LRP2: variants seen among roughly 807,000 people sequenced by gnomAD.
The protein encoded by LRP2 is low-density lipoprotein receptor-related protein 2.
LRP2 carries 172 observed loss-of-function variants against 531.0 expected under a neutral mutation model. That is an observed-to-expected ratio of 0.32 (90% CI 0.29 to 0.37). The LOEUF (loss-of-function observed/expected upper bound fraction) is 0.37, where lower values mean the gene tolerates loss of function less well. LRP2 is among the 10% of genes least tolerant of loss of function. The probability of loss-of-function intolerance (pLI) is 1.00; values close to 1 mark genes in which losing one functional copy is unlikely to be tolerated. For synonymous variants in LRP2, 1,992 were observed against 2,027.6 expected, an observed-to-expected ratio of 0.98 and a Z score of 0.47; for missense variants, 5,167 against 5,868.3, an observed-to-expected ratio of 0.88 and a Z score of 3.90.
intron 46 of LRP2, 31 bp from the exon 47 acceptor site, chr2:169,193,923 A>C: frequency 1.9e-6 from 3 of 1,613,988 alleles, no homozygotes; most frequent in Non-Finnish European, 2.5e-6. Flanking sequence ...CTCAGTGAAA[A>C]AAAGTGGTTT....
chr2:169,255,794 C>T (rs1461507171), intron 19 of LRP2, among the ~76,000 whole-genome samples: 1 of 152,088 alleles, frequency 6.6e-6, no homozygotes, highest in Admixed American at 6.6e-5. Flanking sequence ...TTTACTGTTT[C>T]CTCACGTGAT....
intron 15 of LRP2, 122 bp from the exon 16 acceptor site, chr2:169,271,229 G>T: frequency 1.5e-6 from 1 of 661,390 alleles, no homozygotes; most frequent in Non-Finnish European, 2.6e-6. Context: ...TGAAATAAAT[G>T]TAAAAATAAA....
At chr2:169,280,583 C>T in intron 10 of LRP2, 64 bp from the exon 11 acceptor site, 1 of 1,486,160 alleles carries the variant, frequency 6.7e-7, no homozygotes, top group African/African-American at 1.4e-5. Flanking sequence ...AAGTAGCTTA[C>T]AAATGATATG....
At chr2:169,217,064 C>G (rs2105348619) in intron 34 of LRP2, among the ~76,000 whole-genome samples, 1 of 152,170 alleles carries the variant, frequency 6.6e-6, no homozygotes, top group African/African-American at 2.4e-5. Context: ...ACACATGAAC[C>G]ATAATTACCA....
chr2:169,352,052 A>G (rs1685865530), intron 1 of LRP2, among the ~76,000 whole-genome samples: 1 of 152,194 alleles, frequency 6.6e-6, no homozygotes, highest in Non-Finnish European at 1.5e-5. Flanking sequence ...GAAGTTTTTC[A>G]ATACTTCCAT....
chr2:169,181,748 CTGCAT>C, intron 51 of LRP2, 130 bp from the exon 52 acceptor site: 1 of 66,306 alleles, frequency 1.5e-5, no homozygotes, highest in South Asian at 5.4e-4. Flanking sequence ...GAATTCTTTT[CTGCAT>C]TCAGAAAAGA....
At chr2:169,209,849 AG>A (rs1320649606) in intron 37 of LRP2, among the ~76,000 whole-genome samples, 1 of 152,128 alleles carries the variant, frequency 6.6e-6, no homozygotes, top group Non-Finnish European at 1.5e-5. Flanking sequence ...GGCTCCCGGG[AG>A]AAATGTTGAT....
intron 3 of LRP2, among the ~76,000 whole-genome samples, chr2:169,316,792 G>T (rs1331146243): frequency 6.6e-6 from 1 of 152,128 alleles, no homozygotes; most frequent in Admixed American, 6.6e-5. Flanking sequence ...GCTGCTCAGG[G>T]CAGGGCTCTG....
chr2:169,169,692 AG>A lies in LRP2; in HGVS notation c.11497+9del. The A allele has an allele frequency of 1.2e-6, 2 of 1,607,594 alleles. No individual in the cohort carries two copies. The highest frequency in any genetic ancestry group is 8.5e-7 in the Non-Finnish European group (1 of 1,174,044). ...GGTAAGCAGTACTACATATGTGTCTAGGGACTTACGACAATCAGCTTCATCA... is the reference window on the plus strand; with the variant it reads ...GGTAAGCAGTACTACATATGTGTCTAGGACTTACGACAATCAGCTTCATCA... On this transcript the variant is annotated intron_variant, in intron 60 of 78. Coordinates refer to ENST00000649046, the MANE Select transcript of LRP2 (RefSeq NM_004525.3).
In LRP2 at chr2:169,152,869, C is replaced by T. The variant is rs2105356664; in HGVS notation, c.12391G>A (p.Val4131Met). The T allele has an allele frequency of 6.2e-7, 1 of 1,614,092 alleles. No individual in the cohort carries two copies. The highest frequency in any genetic ancestry group is 8.5e-7 in the Non-Finnish European group (1 of 1,179,972). Reference sequence around the variant, plus strand: ...TTCAGTTTCAGGTCAACTTCCTGCACAAGATTATTGCGGCCGGATTCAAAG... The same window carrying T: ...TTCAGTTTCAGGTCAACTTCCTGCATAAGATTATTGCGGCCGGATTCAAAG... ...PNFESGRNNL[V>M]QEVDLKLKYV... The change falls in exon 67 of 79, where the codon GTG becomes ATG. Residue 4131 changes from valine (V) to methionine (M), a missense_variant. Val to Met is a conservative substitution (Grantham distance 21). Coordinates refer to ENST00000649046, the MANE Select transcript of LRP2 (RefSeq NM_004525.3).
Position 169,206,824 on chromosome 2 carries a change from T to G in LRP2, c.6896A>C (p.Lys2299Thr). ...SIIWVDRNLKKIFQASKEPEN... is the reference protein window; with the variant it reads ...SIIWVDRNLKTIFQASKEPEN... Reference sequence around the variant, plus strand: ...TGGTTCCTTGCTGGCTTGGAAGATCTTTTTCAAATTCCTATCTACCCATAT... The same window carrying G: ...TGGTTCCTTGCTGGCTTGGAAGATCGTTTTCAAATTCCTATCTACCCATAT... The change falls in exon 39 of 79, where the codon AAG becomes ACG. Residue 2299 changes from lysine (K) to threonine (T), a missense_variant. Transcript: ENST00000649046. 6.2e-7 allele frequency: 1 copy of G among 1,614,176 alleles called. No individual in the cohort carries two copies. Among genetic ancestry groups the G allele is most frequent in the Non-Finnish European group, 8.5e-7 (1 of 1,180,018 alleles).
At position 169,299,569 on chromosome 2, in the gene LRP2, T is replaced by C. The variant is rs189309968; in HGVS notation, c.428-4859A>G. ...AAAAAAAAACTCACACAAGCTCTAT[T>C]ACAAAAGTGACCGAGCAACAAGATG... On this transcript the variant is annotated intron_variant, in intron 4 of 78. Transcript: ENST00000649046. Among the ~76,000 whole-genome samples the C allele has an allele frequency of 8.8e-4, 134 of 151,970 alleles. 1 individual carries two copies. Among genetic ancestry groups the C allele is most frequent in the Middle Eastern group, 6.8e-3 (2 of 294 alleles).
intron 19 of LRP2, among the ~76,000 whole-genome samples, chr2:169,254,952 T>C (rs1359653601): frequency 6.6e-6 from 1 of 152,012 alleles, no homozygotes. Context: ...AAAAATCTCA[T>C]GAGCATTTTT....
Position 169,243,039 on chromosome 2 carries a change from G to C in LRP2, c.3584C>G (p.Ala1195Gly). 1 of 1,613,870 alleles carries C rather than the reference G, an allele frequency of 6.2e-7. No individual in the cohort carries two copies. The highest frequency in any genetic ancestry group is 8.5e-7 in the Non-Finnish European group (1 of 1,179,804). ...LNCTASQFKC[A>G]SGDKCIGVTN... ...GACGCCAATACATTTATCCCCACTG[G>C]CACACTTGAATTGAGAAGCAGTACA... Residue 1195 changes from alanine (A) to glycine (G), a missense_variant, in exon 24 of 79, where the codon GCC (alanine) becomes GGC (glycine). By Grantham distance (60) the Ala-to-Gly change is moderately conservative. Transcript: ENST00000649046.
At chr2:169,323,229 G>A (rs1248915205) in intron 1 of LRP2, among the ~76,000 whole-genome samples, 1 of 152,094 alleles carries the variant, frequency 6.6e-6, no homozygotes, top group Non-Finnish European at 1.5e-5. Flanking sequence ...TTTATCAACA[G>A]ATCTATAATT....
Position 169,197,494 on chromosome 2 carries a change from G to A in LRP2, c.8579-464C>T, listed in dbSNP as rs555292745. On this transcript the variant is annotated intron_variant, in intron 45 of 78. Coordinates refer to ENST00000649046, the MANE Select transcript of LRP2 (RefSeq NM_004525.3). The stretch of plus-strand genomic sequence containing the variant: ...CTAGAAAGTTGGCAAAGTTATCTTC[G>A]TATTCATCCTTGGAATACCAGACTT... Among the ~76,000 whole-genome samples the A allele has an allele frequency of 5.3e-5, 8 of 152,274 alleles. No individual in the cohort carries two copies. The South Asian group carries it at 1.0e-3, about 20-fold the overall frequency.
rs772112395 is a variant in LRP2, at chr2:169,202,832, G to A, written c.8133C>T (p.Arg2711=). The A allele has an allele frequency of 6.2e-7, 1 of 1,614,166 alleles. No individual in the cohort carries two copies. The highest frequency in any genetic ancestry group is 8.5e-7 in the Non-Finnish European group (1 of 1,180,032). The change falls in exon 43 of 79, where the codon CGC becomes CGT. Residue 2711 remains arginine, a synonymous_variant. Coordinates refer to ENST00000649046, the MANE Select transcript of LRP2 (RefSeq NM_004525.3). ...CACACTTCCACTCTTCCGAGATGCA[G>A]CGCCCATTGGAGCAGGTGAAGGAAG... ...GASSFTCSNG[R]CISEEWKCDN... is the part of the protein sequence containing the mutation.
Position 169,209,422 on chromosome 2 carries a change from A to G in LRP2, c.6469+31T>C, listed in dbSNP as rs200370987. On this transcript the variant is annotated intron_variant, in intron 38 of 78. Transcript: ENST00000649046. The stretch of plus-strand genomic sequence containing the variant: ...ATAAAATAAGATGACAGAGATGCAA[A>G]CATATTAAAATCACCATATAGCTTA... 47 of 1,603,798 alleles carry G rather than the reference A, an allele frequency of 2.9e-5. No individual in the cohort carries two copies. The African/African-American group carries it at 6.0e-4, about 21-fold the overall frequency.
intron 3 of LRP2, among the ~76,000 whole-genome samples, chr2:169,309,932 C>T (rs1056149570): frequency 7.2e-5 from 11 of 152,250 alleles, no homozygotes; most frequent in African/African-American, 2.6e-4. Flanking sequence ...TTGAAGAGGT[C>T]CTTCACATCC....
Sources: gnomAD v4.1 joint callset for allele counts (sites outside exome capture counted in the v4.1 genomes callset) on GRCh38, gnomAD v4.1.1 for gene constraint, MANE v1.5 for transcripts, NCBI Gene and HGNC (gene_info 2026-07-23, HGNC 2026-07-21) for gene names.